Variants in ROBO1 observed in about 807,000 individuals in gnomAD.
The protein encoded by ROBO1 is roundabout guidance receptor 1.
In ROBO1, 149 loss-of-function variants were observed where a neutral mutation model predicts 195.9. The ratio of observed to expected loss-of-function variants is 0.76; its 90% CI spans 0.67 to 0.87. The LOEUF (loss-of-function observed/expected upper bound fraction) is 0.87. ROBO1 is among the 40% of genes least tolerant of loss of function. ROBO1 has a pLI of 0.00. For synonymous variants in ROBO1, 816 were observed against 733.2 expected (o/e 1.11, Z -1.82); for missense variants, 1,933 against 2,068.3 (o/e 0.93, Z 1.27).
chr3:79,384,560 T>G (rs533738176), intron 2 of ROBO1, among the ~76,000 whole-genome samples: 1 of 152,098 alleles, frequency 6.6e-6, no homozygotes, highest in Non-Finnish European at 1.5e-5. Flanking sequence ...AACAGAGAAG[T>G]GTTTTAAAAT....
intron 4 of ROBO1, among the ~76,000 whole-genome samples, chr3:78,878,583 C>CAAAA (rs35108863): frequency 6.5e-4 from 30 of 46,314 alleles, no homozygotes; most frequent in East Asian, 2.4e-3. Context: ...AACCCCATCT[C>CAAAA]AAAAAAAAAA....
chr3:78,952,802 G>A lies in ROBO1; in HGVS notation c.173-13875C>T, dbSNP rs371003586. 1.1e-4 allele frequency among the ~76,000 whole-genome samples: 17 copies of A among 151,996 alleles called. No individual in the cohort carries two copies. In the East Asian group the frequency reaches 2.1e-3, roughly 19 times the overall value. On this transcript the variant is annotated intron_variant, in intron 3 of 30. Transcript: ENST00000464233. Reference sequence around the variant, plus strand: ...CATGATTACTACATAATGCCATTTCGCTCAGCTACTTTATTTTATTCTAAT... The same window carrying A: ...CATGATTACTACATAATGCCATTTCACTCAGCTACTTTATTTTATTCTAAT...
intron 1 of ROBO1, among the ~76,000 whole-genome samples, chr3:79,610,880 A>G (rs530552987): frequency 2.0e-5 from 3 of 152,210 alleles, no homozygotes; most frequent in Non-Finnish European, 4.4e-5. Flanking sequence ...CTCAAAAAAC[A>G]TTAGGAGTCT....
intron 2 of ROBO1, among the ~76,000 whole-genome samples, chr3:79,561,322 G>T (rs909998947): frequency 6.6e-6 from 1 of 152,188 alleles, no homozygotes; most frequent in Non-Finnish European, 1.5e-5. Context: ...TTAAGATAAC[G>T]CTGGGAGTAA....
intron 2 of ROBO1, among the ~76,000 whole-genome samples, chr3:79,313,138 G>A (rs2033564110): frequency 6.9e-6 from 1 of 145,614 alleles, no homozygotes; most frequent in Non-Finnish European, 1.5e-5. Context: ...AGTGAGCCGA[G>A]ATCATGCCAC....
intron 2 of ROBO1, among the ~76,000 whole-genome samples, chr3:79,406,097 A>C (rs1006054629): frequency 1.3e-5 from 2 of 152,204 alleles, no homozygotes; most frequent in African/African-American, 4.8e-5. Context: ...TATTTCAAAA[A>C]TTTCTGCAAG....
chr3:79,670,590 T>A (rs1285998778), intron 1 of ROBO1, among the ~76,000 whole-genome samples: 1 of 151,856 alleles, frequency 6.6e-6, no homozygotes, highest in Non-Finnish European at 1.5e-5. Context: ...ATCAAAGTGA[T>A]CTGGTTTCTA....
intron 2 of ROBO1, among the ~76,000 whole-genome samples, chr3:79,201,364 T>C (rs2081760465): frequency 2.6e-5 from 4 of 151,996 alleles, no homozygotes; most frequent in Admixed American, 2.0e-4. Flanking sequence ...TAAGGTTTAA[T>C]ACAAATAGAA....
intron 2 of ROBO1, among the ~76,000 whole-genome samples, chr3:79,355,475 T>C (rs1260233758): frequency 1.3e-5 from 2 of 152,162 alleles, no homozygotes; most frequent in African/African-American, 4.8e-5. Context: ...TAATTCTACT[T>C]ATCTTACTAG....
intron 3 of ROBO1, among the ~76,000 whole-genome samples, chr3:78,946,631 C>T (rs1310855447): frequency 6.6e-6 from 1 of 152,110 alleles, no homozygotes; most frequent in African/African-American, 2.4e-5. Flanking sequence ...GCAAAATAAC[C>T]AGCTAACATC....
chr3:78,836,725 T>C (rs942692102), intron 4 of ROBO1, among the ~76,000 whole-genome samples: 3 of 152,100 alleles, frequency 2.0e-5, no homozygotes. Context: ...AAAAACATCA[T>C]AGTCTTCTAA....
At chr3:79,666,749 C>T (rs1242902679) in intron 1 of ROBO1, among the ~76,000 whole-genome samples, 2 of 151,890 alleles carry the variant, frequency 1.3e-5, no homozygotes, top group Non-Finnish European at 2.9e-5. Context: ...ATTACCCATT[C>T]TTGGGTATGT....
chr3:79,487,329 A>G (rs1313990572), intron 2 of ROBO1, among the ~76,000 whole-genome samples: 1 of 146,162 alleles, frequency 6.8e-6, no homozygotes, highest in East Asian at 2.0e-4. Flanking sequence ...GGTTGAATGG[A>G]TATTATAGAT....
At chr3:79,018,398 CG>C in intron 3 of ROBO1, 1 of 1,613,714 alleles carries the variant, frequency 6.2e-7, no homozygotes, top group Non-Finnish European at 8.5e-7. Context: ...AAAGAAGACG[CG>C]GGGTTACCTG....
intron 1 of ROBO1, among the ~76,000 whole-genome samples, chr3:79,716,233 A>G (rs1166721223): frequency 1.3e-5 from 2 of 152,122 alleles, no homozygotes; most frequent in East Asian, 3.9e-4. Context: ...TTTATATTAC[A>G]TTATAGGAAA....
chr3:79,355,831 T>G (rs998573466), intron 2 of ROBO1, among the ~76,000 whole-genome samples: 1 of 152,194 alleles, frequency 6.6e-6, no homozygotes, highest in African/African-American at 2.4e-5. Flanking sequence ...TTTAGGTTGA[T>G]TCTGTATCTT....
chr3:79,209,072 C>A (rs914427687), intron 2 of ROBO1, among the ~76,000 whole-genome samples: 2 of 151,934 alleles, frequency 1.3e-5, no homozygotes, highest in Non-Finnish European at 2.9e-5. Context: ...TGAATAAGTT[C>A]TTTAGTGGTG....
rs11284278 is a variant in ROBO1 at position 79,237,480 on chromosome 3, C to CA, written c.89-111942dup. On this transcript the variant is annotated intron_variant, in intron 2 of 30. Coordinates refer to ENST00000464233, the MANE Select transcript of ROBO1 (RefSeq NM_002941.4). ...TGGGCGACAGAGCAAGACTCCATCT[C>CA]AAAAAAAAAAAAATAATAATAAAAA... Among the ~76,000 whole-genome samples, 126 of 147,658 alleles carry CA rather than the reference C, an allele frequency of 8.5e-4. 1 individual carries two copies. The highest frequency in any genetic ancestry group is 1.6e-3 in the African/African-American group (64 of 40,178).
intron 2 of ROBO1, among the ~76,000 whole-genome samples, chr3:79,505,097 C>T (rs1407789380): frequency 6.6e-6 from 1 of 151,834 alleles, no homozygotes; most frequent in African/African-American, 2.4e-5. Flanking sequence ...AAATGAATTC[C>T]TGTATAATTT....
Sources: allele counts gnomAD v4.1 joint callset (sites outside exome capture counted in the v4.1 genomes callset), GRCh38; gene constraint gnomAD v4.1.1; transcripts MANE v1.5; gene names NCBI Gene and HGNC (gene_info 2026-07-23, HGNC 2026-07-21).